MGMT: variants seen among roughly 807,000 people sequenced by gnomAD.
The protein encoded by MGMT is methylated-DNA--protein-cysteine methyltransferase.
A neutral mutation model predicts 15.9 loss-of-function variants in MGMT; 14 were observed. The observed-to-expected ratio is 0.88, with a 90% CI of 0.58 to 1.37. The LOEUF is 1.37. Among genes scored for constraint, MGMT ranks in the 40% most tolerant of loss-of-function variants. The probability of loss-of-function intolerance (pLI) is 0.00; values close to 1 mark genes in which losing one functional copy is unlikely to be tolerated. For missense variants in MGMT, 282 were observed against 268.1 expected (o/e 1.05, Z -0.36); for synonymous variants, 130 against 118.2 (o/e 1.10, Z -0.65).
intron 3 of MGMT, among the ~76,000 whole-genome samples, chr10:129,712,229 G>A (rs1315652764): frequency 6.6e-6 from 1 of 152,170 alleles, no homozygotes; most frequent in Non-Finnish European, 1.5e-5. Flanking sequence ...CAGGCCTTGG[G>A]GCTGCCCACG....
At chr10:129,689,656 T>G (rs1847948246) in intron 2 of MGMT, among the ~76,000 whole-genome samples, 1 of 152,246 alleles carries the variant, frequency 6.6e-6, no homozygotes, top group Non-Finnish European at 1.5e-5. Flanking sequence ...TGCCAGCTCT[T>G]ATAAAAATAT....
chr10:129,708,829 A>T (rs1848198218), intron 3 of MGMT, among the ~76,000 whole-genome samples: 1 of 152,122 alleles, frequency 6.6e-6, no homozygotes, highest in South Asian at 2.1e-4. Flanking sequence ...GAGATTTTAG[A>T]TGTGGTGAAT....
chr10:129,686,494 C>G (rs946416081), intron 2 of MGMT, among the ~76,000 whole-genome samples: 1 of 152,120 alleles, frequency 6.6e-6, no homozygotes, highest in African/African-American at 2.4e-5. Context: ...CCTACCTTAG[C>G]CTCCCAAGTA....
At chr10:129,639,615 C>G (rs935056854) in intron 2 of MGMT, among the ~76,000 whole-genome samples, 2 of 152,168 alleles carry the variant, frequency 1.3e-5, no homozygotes, top group Admixed American at 6.5e-5. Context: ...CACAGGGAAA[C>G]TTAGAAAATG....
intron 1 of MGMT, among the ~76,000 whole-genome samples, chr10:129,500,505 ATC>A (rs1178041843): frequency 6.6e-6 from 1 of 152,120 alleles, no homozygotes. Flanking sequence ...TTATAATATC[ATC>A]TCTCTTCATG....
intron 1 of MGMT, among the ~76,000 whole-genome samples, chr10:129,478,305 C>T (rs1589828306): frequency 6.6e-6 from 1 of 152,128 alleles, no homozygotes; most frequent in South Asian, 2.1e-4. Flanking sequence ...AGCATGTGGT[C>T]GTCTGGTTGG....
At chr10:129,494,666 A>G (rs977768697) in intron 1 of MGMT, among the ~76,000 whole-genome samples, 1 of 152,150 alleles carries the variant, frequency 6.6e-6, no homozygotes, top group African/African-American at 2.4e-5. Flanking sequence ...ATTTTATTAC[A>G]TTCCAATTAA....
chr10:129,674,713 G>C (rs1847764684), intron 2 of MGMT, among the ~76,000 whole-genome samples: 1 of 152,236 alleles, frequency 6.6e-6, no homozygotes, highest in Admixed American at 6.5e-5. Flanking sequence ...AGGTGGAGTA[G>C]CTGGGATGCC....
intron 2 of MGMT, among the ~76,000 whole-genome samples, chr10:129,546,168 G>C (rs989207330): frequency 6.6e-5 from 10 of 152,378 alleles, no homozygotes; most frequent in South Asian, 2.1e-4. Flanking sequence ...CCAGATGGCA[G>C]GCCCTGCATG....
rs1187645330 is a variant in MGMT, at chr10:129,533,291, G to C, written c.-12-2950G>C. ...AGTAGCCTTTCAGTAAACGGCATTT[G>C]TGCTTAAATTAGCCCGTGTCAGTTT... On this transcript the variant is annotated intron_variant, in intron 1 of 4. Coordinates refer to ENST00000651593, the MANE Select transcript of MGMT (RefSeq NM_002412.5). The surrounding 1 kb of genome is among the most constrained non-coding windows in gnomAD (Gnocchi z 4.5). Among the ~76,000 whole-genome samples, 1 of 152,184 alleles carries C rather than the reference G, an allele frequency of 6.6e-6. No individual in the cohort carries two copies. Among genetic ancestry groups the C allele is most frequent in the Non-Finnish European group, 1.5e-5 (1 of 68,030 alleles).
At chr10:129,734,932 G>C (rs1334128751) in intron 3 of MGMT, among the ~76,000 whole-genome samples, 3 of 152,168 alleles carry the variant, frequency 2.0e-5, no homozygotes, top group Non-Finnish European at 4.4e-5. Flanking sequence ...TGGTGGATCA[G>C]CTTTTTGATG....
chr10:129,757,241 GT>G (rs1848817598), intron 3 of MGMT, among the ~76,000 whole-genome samples: 1 of 152,204 alleles, frequency 6.6e-6, no homozygotes, highest in South Asian at 2.1e-4. Flanking sequence ...ACATATAATT[GT>G]TTTATTATAC....
chr10:129,731,294 A>C (rs1046871195), intron 3 of MGMT, among the ~76,000 whole-genome samples: 4 of 151,714 alleles, frequency 2.6e-5, no homozygotes, highest in Non-Finnish European at 4.4e-5. Flanking sequence ...ACGACCCCAA[A>C]GAGCTTTTGA....
At chr10:129,631,806 A>T (rs1847212728) in intron 2 of MGMT, among the ~76,000 whole-genome samples, 1 of 152,270 alleles carries the variant, frequency 6.6e-6, no homozygotes, top group African/African-American at 2.4e-5. Flanking sequence ...CCTGGATGAC[A>T]GAGTGAGACC....
At chr10:129,597,131 C>G (rs765122108) in intron 2 of MGMT, among the ~76,000 whole-genome samples, 1 of 152,080 alleles carries the variant, frequency 6.6e-6, no homozygotes, top group Non-Finnish European at 1.5e-5. Context: ...AGAGCTGGGG[C>G]GTGGAGAGGG....
At chr10:129,743,962 T>C (rs1244796196) in intron 3 of MGMT, among the ~76,000 whole-genome samples, 1 of 152,208 alleles carries the variant, frequency 6.6e-6, no homozygotes, top group Non-Finnish European at 1.5e-5. Flanking sequence ...ATGCTGGCCA[T>C]GCCTGGCTGG....
intron 2 of MGMT, among the ~76,000 whole-genome samples, chr10:129,624,082 AAC>A (rs1589899624): frequency 6.6e-6 from 1 of 152,276 alleles, no homozygotes; most frequent in East Asian, 1.9e-4. Flanking sequence ...TTGGTGAGGC[AAC>A]ACGCTCAGCG....
chr10:129,770,819 G>A lies in MGMT; in HGVS notation c.*3822G>A, dbSNP rs1425066576. ...TCGGGCCTCCCCTGTTTGTCTGCAT[G>A]TCTTCTTGTTGCCATCGGGGCAGTG... On this transcript the variant is annotated 3_prime_UTR_variant, in exon 5 of 5. Transcript: ENST00000651593. 6.6e-6 allele frequency among the ~76,000 whole-genome samples: 1 copy of A among 152,176 alleles called. No homozygotes were observed. The highest frequency in any genetic ancestry group is 2.4e-5 in the African/African-American group (1 of 41,442).
chr10:129,755,603 G>A (rs2133182393), intron 3 of MGMT, among the ~76,000 whole-genome samples: 1 of 152,360 alleles, frequency 6.6e-6, no homozygotes, highest in East Asian at 1.9e-4. Flanking sequence ...CCATGGAGCT[G>A]TGATGGTTGA....
Sources: allele counts gnomAD v4.1 joint callset (sites outside exome capture counted in the v4.1 genomes callset), GRCh38; gene constraint gnomAD v4.1.1; non-coding constraint Gnocchi (gnomAD v3.1); transcripts MANE v1.5; gene names NCBI Gene and HGNC (gene_info 2026-07-23, HGNC 2026-07-21).